Variants in DEK observed in about 807,000 individuals in gnomAD.
The protein encoded by DEK is protein DEK.
In DEK, 28 loss-of-function variants were observed where a neutral mutation model predicts 46.8. The ratio of observed to expected loss-of-function variants is 0.60; its 90% CI spans 0.44 to 0.82. The LOEUF is 0.82. DEK is among the 40% of genes least tolerant of loss of function. The pLI is 0.00. For missense variants in DEK, 416 were observed against 430.6 expected, an observed-to-expected ratio of 0.97 and a Z score of 0.30; for synonymous variants, 160 against 144.5, an observed-to-expected ratio of 1.11 and a Z score of -0.77.
intron 7 of DEK, among the ~76,000 whole-genome samples, chr6:18,243,531 G>T (rs1790989085): frequency 6.6e-6 from 1 of 152,062 alleles, no homozygotes; most frequent in African/African-American, 2.4e-5. Flanking sequence ...CTAACCACGA[G>T]TTAGTCAAAG....
At chr6:18,240,300 GAC>G (rs1790844845) in intron 7 of DEK, among the ~76,000 whole-genome samples, 1 of 152,140 alleles carries the variant, frequency 6.6e-6, no homozygotes, top group African/African-American at 2.4e-5. Flanking sequence ...TTTCTAAACG[GAC>G]AACCAGGCCT....
In DEK at chr6:18,255,860, GA is replaced by G; in HGVS notation, c.453-10del. ...ACATGGCATTTCTAAATCTGAAACA[GA>G]AAATGGAAGAAACCAAGGTGTTAAT... On this transcript the variant is annotated splice_polypyrimidine_tract_variant and intron_variant, in intron 5 of 10. Transcript: ENST00000652689. 6.3e-7 allele frequency: 1 copy of G among 1,593,324 alleles called. No homozygotes were observed. The highest frequency in any genetic ancestry group is 8.5e-7 in the Non-Finnish European group (1 of 1,175,334).
chr6:18,257,619 AGC>A (rs1791655584), intron 4 of DEK, among the ~76,000 whole-genome samples: 1 of 151,992 alleles, frequency 6.6e-6, no homozygotes. Context: ...GGGAGGCTTA[AGC>A]GGGAGGAACA....
At chr6:18,257,390 CA>C in intron 4 of DEK, among the ~76,000 whole-genome samples, 1 of 152,284 alleles carries the variant, frequency 6.6e-6, no homozygotes, top group East Asian at 1.9e-4. Context: ...TTTGAAATTT[CA>C]GTTTGGAATA....
intron 8 of DEK, chr6:18,237,143 C>T: frequency 2.6e-6 from 1 of 383,248 alleles, no homozygotes; most frequent in Non-Finnish European, 4.6e-6. Flanking sequence ...CATGTTTAGA[C>T]TGGGTCCCAT....
At chr6:18,253,348 T>C (rs1019986481) in intron 6 of DEK, among the ~76,000 whole-genome samples, 1 of 152,212 alleles carries the variant, frequency 6.6e-6, no homozygotes. Flanking sequence ...AAGTGGGAAC[T>C]AGAATTCTGG....
intron 7 of DEK, among the ~76,000 whole-genome samples, chr6:18,244,916 C>T (rs1264775519): frequency 1.3e-5 from 2 of 152,320 alleles, no homozygotes; most frequent in East Asian, 3.9e-4. Flanking sequence ...CTTACCACTA[C>T]CAGATAATCC....
Position 18,237,511 on chromosome 6 carries a change from T to C in DEK, c.768A>G (p.Pro256=). The C allele has an allele frequency of 1.3e-6, 2 of 1,598,748 alleles. No homozygotes were observed. The highest frequency in any genetic ancestry group is 1.7e-6 in the Non-Finnish European group (2 of 1,176,346). ...DEDKESEEEP[P]KKTAKREKPK... is the part of the protein sequence containing the mutation. ...GTTTTTCTCTTTTGGCTGTCTTTTTTGGTGGCTGTTACAAAAGAAAGTAAA... is the reference window on the plus strand; with the variant it reads ...GTTTTTCTCTTTTGGCTGTCTTTTTCGGTGGCTGTTACAAAAGAAAGTAAA... The change falls in exon 8 of 11, where the codon CCA becomes CCG. Residue 256 remains proline, a synonymous_variant. Transcript: ENST00000652689.
chr6:18,245,993 G>A (rs1791098296), intron 7 of DEK, among the ~76,000 whole-genome samples: 1 of 152,224 alleles, frequency 6.6e-6, no homozygotes, highest in Non-Finnish European at 1.5e-5. Context: ...ATGGGTCTTT[G>A]CTCCTCATTC....
chr6:18,257,623 G>A (rs1266433808), intron 4 of DEK, among the ~76,000 whole-genome samples: 2 of 152,024 alleles, frequency 1.3e-5, no homozygotes, highest in Non-Finnish European at 2.9e-5. Context: ...GGCTTAAGCG[G>A]GAGGAACACT....
Position 18,249,701 on chromosome 6 carries a change from T to G in DEK, c.712A>C (p.Lys238Gln), listed in dbSNP as rs776948529. 4.4e-6 allele frequency: 7 copies of G among 1,605,168 alleles called. No individual in the cohort carries two copies. The South Asian group carries it at 8.0e-5, about 18-fold the overall frequency. ...TCATCTGAAGACTCTTCCTTGTTTT[T>G]CTTTTCATCTTCATCACTACTAGAT... Reference protein sequence around the residue: ...DESSSDEDEKKNKEESSDDED... With the variant: ...DESSSDEDEKQNKEESSDDED... Residue 238 changes from lysine (K) to glutamine (Q), a missense_variant, in exon 7 of 11, where the codon AAA becomes CAA. Coordinates refer to ENST00000652689, the MANE Select transcript of DEK (RefSeq NM_003472.4).
In DEK at chr6:18,249,623, G is replaced by A. The variant is rs186273654; in HGVS notation, c.762+28C>T. 111 of 1,509,540 alleles carry A rather than the reference G, an allele frequency of 7.4e-5. No homozygotes were observed. In the African/African-American group the frequency reaches 1.5e-3, roughly 20 times the overall value. The allele number at this position is 1,509,540 out of a possible 1,614,324, so 93.5% of individuals were successfully genotyped here. ...TTTAACTCTCCCCATGGAAAGAAAT[G>A]ATTTAAAAATATAGTAAAATATTTT... On this transcript the variant is annotated intron_variant, in intron 7 of 10. Coordinates refer to ENST00000652689, the MANE Select transcript of DEK (RefSeq NM_003472.4).
At chr6:18,259,409 A>AT (rs1791747698) in intron 2 of DEK, among the ~76,000 whole-genome samples, 7 of 110,624 alleles carry the variant, frequency 6.3e-5, no homozygotes, top group East Asian at 4.8e-4. Context: ...AAAAAAAAAA[A>AT]AAAAAAAAAA....
rs1215290240 is a variant in DEK at position 18,225,074 on chromosome 6, TAA to T, written c.*643_*644del. On this transcript the variant is annotated 3_prime_UTR_variant, in exon 11 of 11. Coordinates refer to ENST00000652689, the MANE Select transcript of DEK (RefSeq NM_003472.4). Reference sequence around the variant, plus strand: ...ATAAAGATACCTACCTATGTGAGTTTAAAAAGTGATCTGCACAAAAGAAATAA... The same window carrying T: ...ATAAAGATACCTACCTATGTGAGTTTAAAGTGATCTGCACAAAAGAAATAA... The T allele has an allele frequency of 1.4e-5, 3 of 214,592 alleles. No individual in the cohort carries two copies. The highest frequency in any genetic ancestry group is 1.4e-4 in the East Asian group (2 of 14,300). The allele number at this position is 214,592 out of a possible 1,614,324, so 13.3% of individuals were successfully genotyped here. A position where few individuals can be genotyped will look rare whatever the true frequency, so the allele number is the denominator to read the frequency against.
chr6:18,243,043 G>C (rs116201935), intron 7 of DEK, among the ~76,000 whole-genome samples: 1 of 152,152 alleles, frequency 6.6e-6, no homozygotes, highest in African/African-American at 2.4e-5. Flanking sequence ...GGCTTGGCAT[G>C]ATCTGCAGTT....
chr6:18,234,676 T>A (rs1448265758), intron 9 of DEK, among the ~76,000 whole-genome samples: 1 of 152,150 alleles, frequency 6.6e-6, no homozygotes, highest in Non-Finnish European at 1.5e-5. Flanking sequence ...TCCAGTTGTA[T>A]CTGGATTCAT....
intron 9 of DEK, among the ~76,000 whole-genome samples, chr6:18,234,018 T>C (rs1276549441): frequency 2.0e-5 from 3 of 152,018 alleles, no homozygotes; most frequent in Admixed American, 6.6e-5. Context: ...TAAAAAAGGA[T>C]GAGTTCATGT....
chr6:18,261,824 A>T (rs538822225), intron 2 of DEK, among the ~76,000 whole-genome samples: 1 of 152,306 alleles, frequency 6.6e-6, no homozygotes, highest in African/African-American at 2.4e-5. Flanking sequence ...GTTAATGCTG[A>T]AACAAGACCG....
chr6:18,249,409 A>G (rs1243731544), intron 7 of DEK, among the ~76,000 whole-genome samples: 2 of 152,206 alleles, frequency 1.3e-5, no homozygotes, highest in Non-Finnish European at 2.9e-5. Context: ...TTCAACGTCC[A>G]GCTCAAGGCC....
Sources: allele counts gnomAD v4.1 joint callset (sites outside exome capture counted in the v4.1 genomes callset), GRCh38; gene constraint gnomAD v4.1.1; transcripts MANE v1.5; gene names NCBI Gene and HGNC (gene_info 2026-07-23, HGNC 2026-07-21).